Variants in NIBAN3 observed in about 807,000 individuals in gnomAD.
NIBAN3 encodes niban apoptosis regulator 3, also known as protein Niban 3.
Under a neutral mutation model 76.4 loss-of-function variants are expected in NIBAN3, and 66 were observed. The ratio of observed to expected loss-of-function variants is 0.86; its 90% CI spans 0.71 to 1.06. The LOEUF (loss-of-function observed/expected upper bound fraction) is 1.06, where lower values mean the gene tolerates loss of function less well. NIBAN3 is among the 50% of genes least tolerant of loss of function. NIBAN3 has a pLI of 0.00. For synonymous variants in NIBAN3, 360 were observed against 355.2 expected (o/e 1.01, Z -0.15); for missense variants, 808 against 810.7 (o/e 1.00, Z 0.04).
At chr19:17,526,430 T>C (rs578244544), upstream of NIBAN3, among the ~76,000 whole-genome samples, 18 of 150,986 alleles carry the variant, frequency 1.2e-4, no homozygotes, top group East Asian at 3.5e-3. Context: ...ATCACTTGAG[T>C]CCAGAAGTTT....
intron 4 of NIBAN3, among the ~76,000 whole-genome samples, chr19:17,536,449 A>G (rs925417340): frequency 1.3e-5 from 2 of 152,146 alleles, no homozygotes; most frequent in Non-Finnish European, 2.9e-5. Flanking sequence ...TCAGGCTCCC[A>G]AAGTGCTGGG....
downstream of NIBAN3, among the ~76,000 whole-genome samples, chr19:17,554,929 CAAA>C (rs539980884): frequency 2.2e-5 from 2 of 92,132 alleles, no homozygotes; most frequent in Non-Finnish European, 2.4e-5. Flanking sequence ...GACTCCGTCT[CAAA>C]AAAAAAAAAA....
chr19:17,525,969 G>T (rs2075602334), upstream of NIBAN3, among the ~76,000 whole-genome samples: 1 of 151,928 alleles, frequency 6.6e-6, no homozygotes, highest in South Asian at 2.1e-4. Context: ...GCCAGAAATC[G>T]CTTGAACCCA....
rs2076171071 is a variant in NIBAN3 at position 17,552,404 on chromosome 19, G to A, written c.*506G>A. On this transcript the variant is annotated 3_prime_UTR_variant, in exon 15 of 15. Transcript: ENST00000599164. ...TAATTTTTTTTTTTTAAATAATAGA[G>A]ACAAGGTCTCGCTATGCTGCCCAGG... 6.6e-6 allele frequency: 1 copy of A among 151,170 alleles called. No individual in the cohort carries two copies. Among genetic ancestry groups the A allele is most frequent in the African/African-American group, 2.4e-5 (1 of 41,048 alleles). The allele number at this position is 151,170 out of a possible 1,614,324, so 9.4% of individuals were successfully genotyped here. A position where few individuals can be genotyped will look rare whatever the true frequency, so the allele number is the denominator to read the frequency against.
At chr19:17,530,405 C>T (rs2075697039) in intron 1 of NIBAN3, among the ~76,000 whole-genome samples, 1 of 151,430 alleles carries the variant, frequency 6.6e-6, no homozygotes. Context: ...TGATGGCGTG[C>T]GCCTGTAGTC....
chr19:17,548,413 G>T (rs544226977), intron 13 of NIBAN3, among the ~76,000 whole-genome samples: 1 of 151,984 alleles, frequency 6.6e-6, no homozygotes, highest in South Asian at 2.1e-4. Context: ...CTGAGGCCCC[G>T]GTTCTGGGAA....
intron 9 of NIBAN3, among the ~76,000 whole-genome samples, chr19:17,541,386 T>A (rs954136408): frequency 6.6e-6 from 1 of 152,178 alleles, no homozygotes. Flanking sequence ...CAGTAGCCTG[T>A]GCTTCTCTTA....
downstream of NIBAN3, among the ~76,000 whole-genome samples, chr19:17,554,929 C>CAAAAAA (rs539980884): frequency 1.1e-5 from 1 of 92,144 alleles, no homozygotes. Flanking sequence ...GACTCCGTCT[C>CAAAAAA]AAAAAAAAAA....
chr19:17,533,584 T>C lies in NIBAN3; in HGVS notation c.313-3T>C, dbSNP rs1159274955. 6.2e-7 allele frequency: 1 copy of C among 1,610,962 alleles called. No homozygotes were observed. The highest frequency in any genetic ancestry group is 1.3e-5 in the African/African-American group (1 of 74,924). On this transcript the variant is annotated splice_polypyrimidine_tract_variant and splice_region_variant and intron_variant, in intron 3 of 14. Transcript: ENST00000599164. ...AGGTTGGTTCTCTGGGTACCTTTTG[T>C]AGGAATATGAAAACGGGGGCCACTG...
upstream of NIBAN3, chr19:17,523,529 C>A: frequency 5.2e-6 from 7 of 1,357,714 alleles, no homozygotes; most frequent in Non-Finnish European, 7.1e-6. Flanking sequence ...GAGGCCGTGG[C>A]CCCCAGAGCG....
downstream of NIBAN3, chr19:17,553,715 G>T (rs1173976446): frequency 7.0e-6 from 5 of 715,802 alleles, no homozygotes; most frequent in Middle Eastern, 3.1e-4. Flanking sequence ...GCAGCTACAA[G>T]AATTTGTCAT....
At chr19:17,533,880 T>A (rs572540834) in intron 4 of NIBAN3, among the ~76,000 whole-genome samples, 179 bp downstream of exon 4, 1 of 152,132 alleles carries the variant, frequency 6.6e-6, no homozygotes, top group African/African-American at 2.4e-5. Context: ...CAACCACCAA[T>A]GTCTCCAGCA....
intron 12 of NIBAN3, chr19:17,545,994 C>T (rs1035925711): frequency 5.3e-5 from 23 of 436,390 alleles, no homozygotes; most frequent in Admixed American, 1.7e-4. Context: ...CGCTAGACCA[C>T]GGTCTGCCTG....
rs755806035 is a variant in NIBAN3 at position 17,539,126 on chromosome 19, G to A, written c.596-24G>A. On this transcript the variant is annotated intron_variant, in intron 5 of 14. Transcript: ENST00000599164. ...AGCCAGGCAGGGGAGCTACCAGCAG[G>A]CACTGAGGAGCAGCCCCTCTCAGTC... is the stretch of plus-strand genomic sequence containing the variant. The A allele has an allele frequency of 5.8e-6, 9 of 1,549,516 alleles. No individual in the cohort carries two copies. The African/African-American group carries it at 8.2e-5, about 14-fold the overall frequency.
At chr19:17,550,843 CT>C (rs10690901) in intron 14 of NIBAN3, among the ~76,000 whole-genome samples, 10,262 of 90,708 alleles carry the variant, frequency 0.11, 251 homozygotes, top group East Asian at 0.24. Context: ...CTTGTACATA[CT>C]TTTTTTTTTT....
At position 17,545,248 on chromosome 19, in the gene NIBAN3, C is replaced by T. The variant is rs556235508; in HGVS notation, c.1555-1438C>T. ...ACGGAGTCTCACTCTGTCGCCCAGGCTGTAGTGCAGTGGTGTGATCTTGGC... is the reference window on the plus strand; with the variant it reads ...ACGGAGTCTCACTCTGTCGCCCAGGTTGTAGTGCAGTGGTGTGATCTTGGC... On this transcript the variant is annotated intron_variant, in intron 12 of 14. Transcript: ENST00000599164. 3 of 155,258 alleles carry T rather than the reference C, an allele frequency of 1.9e-5. No individual in the cohort carries two copies. The Admixed American group carries it at 2.0e-4, about 10-fold the overall frequency. The allele number at this position is 155,258 out of a possible 1,614,324, so 9.6% of individuals were successfully genotyped here. A position where few individuals can be genotyped will look rare whatever the true frequency, so the allele number is the denominator to read the frequency against.
intron 9 of NIBAN3, 48 bp downstream of exon 9, chr19:17,540,630 A>G (rs1476469072): frequency 4.6e-6 from 6 of 1,296,772 alleles, no homozygotes; most frequent in Non-Finnish European, 6.0e-6. Flanking sequence ...GTGATGTGTT[A>G]ACTTGAGTCT....
chr19:17,538,984 G>T (rs528951456), intron 5 of NIBAN3, among the ~76,000 whole-genome samples, 166 bp from the exon 6 acceptor site: 1 of 152,370 alleles, frequency 6.6e-6, no homozygotes, highest in East Asian at 1.9e-4. Context: ...AAACATGATG[G>T]TCTTGGGGGA....
At chr19:17,534,689 G>C (rs541127584) in intron 4 of NIBAN3, among the ~76,000 whole-genome samples, 58 of 151,878 alleles carry the variant, frequency 3.8e-4, no homozygotes, top group African/African-American at 1.4e-3. Flanking sequence ...TACTCAGGAG[G>C]CTGAGGCAGG....
Sources: allele counts gnomAD v4.1 joint callset (sites outside exome capture counted in the v4.1 genomes callset), GRCh38; gene constraint gnomAD v4.1.1; transcripts MANE v1.5; gene names NCBI Gene and HGNC (gene_info 2026-07-23, HGNC 2026-07-21).